The following FCHO2 variants were observed in gnomAD, a reference collection of about 807,000 sequenced individuals.
The protein encoded by FCHO2 is FCH and mu domain containing endocytic adaptor 2, also known as F-BAR domain only protein 2.
FCHO2 carries 43 observed loss-of-function variants against 114.1 expected under a neutral mutation model. That is an observed-to-expected ratio of 0.38 (90% confidence interval 0.30 to 0.49). The LOEUF is 0.49. Ranked by LOEUF, FCHO2 falls within the 20% of genes least tolerant of loss-of-function variation. The pLI is 0.97. For missense variants in FCHO2, 807 were observed against 950.4 expected, an observed-to-expected ratio of 0.85 and a Z score of 1.98; for synonymous variants, 293 against 315.2, an observed-to-expected ratio of 0.93 and a Z score of 0.75.
rs575115964 is a variant in FCHO2, at chr5:73,062,879, A to G, written c.1346-962A>G. The stretch of plus-strand genomic sequence containing the variant: ...CGTGTGTATACTTAGGCCCACTTAT[A>G]TATTTTTAATTTTGTACATCTCTAA... On this transcript the variant is annotated intron_variant, in intron 17 of 25. Coordinates refer to ENST00000430046, the MANE Select transcript of FCHO2 (RefSeq NM_138782.3). Among the ~76,000 whole-genome samples the G allele has an allele frequency of 7.2e-5, 11 of 152,076 alleles. No homozygotes were observed. In the South Asian group the frequency reaches 1.5e-3, roughly 20 times the overall value.
At chr5:73,085,129 T>A (rs1225296888) in intron 24 of FCHO2, among the ~76,000 whole-genome samples, 1 of 152,096 alleles carries the variant, frequency 6.6e-6, no homozygotes, top group Non-Finnish European at 1.5e-5. Flanking sequence ...GGCAGGTAGA[T>A]CGTGAGGTCA....
intron 12 of FCHO2, among the ~76,000 whole-genome samples, chr5:73,051,993 G>A (rs1302218090): frequency 1.3e-5 from 2 of 151,586 alleles, no homozygotes; most frequent in East Asian, 2.0e-4. Context: ...GTGCGATCTC[G>A]GCTCACTGCA....
intron 2 of FCHO2, among the ~76,000 whole-genome samples, chr5:72,981,274 C>T (rs1264308905): frequency 1.3e-5 from 2 of 152,156 alleles, no homozygotes; most frequent in Non-Finnish European, 2.9e-5. Flanking sequence ...AATTGGCCCC[C>T]ACTGTCTTCT....
chr5:73,055,643 A>G (rs1757556172), intron 15 of FCHO2, among the ~76,000 whole-genome samples: 1 of 152,214 alleles, frequency 6.6e-6, no homozygotes, highest in Non-Finnish European at 1.5e-5. Flanking sequence ...CATCCTCAAG[A>G]GTTAATAACT....
chr5:73,055,785 A>T (rs1757561776), intron 15 of FCHO2, among the ~76,000 whole-genome samples: 1 of 152,186 alleles, frequency 6.6e-6, no homozygotes, highest in African/African-American at 2.4e-5. Flanking sequence ...GTTGCAACCC[A>T]TAGTTTCTCT....
intron 21 of FCHO2, among the ~76,000 whole-genome samples, 169 bp from the exon 22 acceptor site, chr5:73,077,994 CTCTCTCCATCTTATCTT>C (rs1742972196): frequency 6.6e-6 from 1 of 152,002 alleles, no homozygotes. Flanking sequence ...ATTCTTTTCT[CTCTCTCCATCTTATCTT>C]TCAAGCAAGC....
At chr5:73,043,409 TAC>T (rs35051270) in intron 11 of FCHO2, among the ~76,000 whole-genome samples, 45,897 of 150,760 alleles carry the variant, frequency 0.3, 7,143 homozygotes, top group East Asian at 0.44. Context: ...CACACACACA[TAC>T]ACACACACAC....
At chr5:72,962,630 C>T (rs559083626) in intron 1 of FCHO2, among the ~76,000 whole-genome samples, 34 of 152,288 alleles carry the variant, frequency 2.2e-4, no homozygotes, top group African/African-American at 7.9e-4. Flanking sequence ...TGCAGTGGCT[C>T]ACGCCTGTAA....
chr5:72,966,560 T>C (rs1266660492), intron 1 of FCHO2, among the ~76,000 whole-genome samples: 1 of 152,244 alleles, frequency 6.6e-6, no homozygotes, highest in Non-Finnish European at 1.5e-5. Context: ...GAAATGGTTA[T>C]TCAAAATGCT....
At chr5:72,984,359 C>T (rs1753390998) in intron 2 of FCHO2, among the ~76,000 whole-genome samples, 1 of 152,046 alleles carries the variant, frequency 6.6e-6, no homozygotes, top group Non-Finnish European at 1.5e-5. Context: ...TCTAAGTGTA[C>T]TTGTTAGGTT....
chr5:73,087,885 C>A, intron 25 of FCHO2, 132 bp downstream of exon 25: 1 of 1,391,518 alleles, frequency 7.2e-7, no homozygotes, highest in Non-Finnish European at 9.8e-7. Flanking sequence ...GTACAAGGTG[C>A]CAGGTAGAGA....
At chr5:72,996,812 T>C in intron 5 of FCHO2, 1 of 727,900 alleles carries the variant, frequency 1.4e-6, no homozygotes, top group East Asian at 2.7e-5. Flanking sequence ...CTCCTGCCAC[T>C]TAGGGCTGCC....
intron 1 of FCHO2, among the ~76,000 whole-genome samples, chr5:72,957,432 C>T (rs1457463516): frequency 1.3e-5 from 2 of 152,200 alleles, no homozygotes; most frequent in Admixed American, 1.3e-4. Context: ...TGCCTCTCTG[C>T]ATTTGTCTAG....
Position 73,013,658 on chromosome 5 carries a change from T to C in FCHO2, c.601-1968T>C, listed in dbSNP as rs150821619. 5.5e-4 allele frequency among the ~76,000 whole-genome samples: 84 copies of C among 152,280 alleles called. 2 individuals carry two copies. Among genetic ancestry groups the C allele is most frequent in the African/African-American group, 1.9e-3 (77 of 41,552 alleles). On this transcript the variant is annotated intron_variant, in intron 6 of 25. Coordinates refer to ENST00000430046, the MANE Select transcript of FCHO2 (RefSeq NM_138782.3). The stretch of plus-strand genomic sequence containing the variant: ...AAAGTGAAACGTGTCATTATTTCAG[T>C]ATTTCTCAGACCTTCTTTTTTTTCT...
At chr5:73,041,464 A>G (rs372373155) in intron 11 of FCHO2, 149 bp downstream of exon 11, 11 of 498,148 alleles carry the variant, frequency 2.2e-5, no homozygotes, top group East Asian at 3.6e-5. Context: ...TTACAGATGC[A>G]TTTTTGGATT....
chr5:72,999,810 T>C lies in FCHO2; in HGVS notation c.496-6635T>C, dbSNP rs552276687. Among the ~76,000 whole-genome samples, 10 of 152,280 alleles carry C rather than the reference T, an allele frequency of 6.6e-5. No homozygotes were observed. In the South Asian group the frequency reaches 2.1e-3, roughly 32 times the overall value. On this transcript the variant is annotated intron_variant, in intron 5 of 25. Transcript: ENST00000430046. ...CTATAAAAGTCATAGGCACTTAAAA[T>C]GTTTTTGGTAGTATATTAATTTATA...
intron 5 of FCHO2, 130 bp downstream of exon 5, chr5:72,990,994 T>G: frequency 1.0e-6 from 1 of 1,003,876 alleles, no homozygotes. Flanking sequence ...ACAGTCCTAG[T>G]GATTACCCAA....
At chr5:73,021,209 T>G in intron 8 of FCHO2, 1 of 745,424 alleles carries the variant, frequency 1.3e-6, no homozygotes, top group South Asian at 1.4e-5. Flanking sequence ...GATTTGACTG[T>G]GGGAAAAACT....
At chr5:72,967,929 ATT>A (rs879440135) in intron 1 of FCHO2, among the ~76,000 whole-genome samples, 1 of 120,638 alleles carries the variant, frequency 8.3e-6, no homozygotes. Context: ...CTCATACTTA[ATT>A]TTTTTTTTTT....
Sources: allele counts gnomAD v4.1 joint callset (sites outside exome capture counted in the v4.1 genomes callset), GRCh38; gene constraint gnomAD v4.1.1; transcripts MANE v1.5; gene names NCBI Gene and HGNC (gene_info 2026-07-23, HGNC 2026-07-21).